EYA2: variants seen among roughly 807,000 people sequenced by gnomAD.
EYA2 encodes the protein EYA transcriptional coactivator and phosphatase 2.
Under a neutral mutation model 69.2 loss-of-function variants are expected in EYA2, and 31 were observed. The ratio of observed to expected loss-of-function variants is 0.45; its 90% CI spans 0.34 to 0.60. The LOEUF (loss-of-function observed/expected upper bound fraction) is 0.60. Ranked by LOEUF, EYA2 falls within the 20% of genes least tolerant of loss-of-function variation. The pLI, the probability that EYA2 is intolerant of heterozygous loss-of-function variation, is 0.02. For synonymous variants in EYA2, 257 were observed against 279.4 expected, an observed-to-expected ratio of 0.92 and a Z score of 0.80; for missense variants, 622 against 701.2, an observed-to-expected ratio of 0.89 and a Z score of 1.28.
intron 1 of EYA2, 45 bp from the exon 2 acceptor site, chr20:46,989,956 T>C (rs779456535): frequency 2.1e-6 from 2 of 945,412 alleles, no homozygotes; most frequent in Admixed American, 3.4e-5. Flanking sequence ...TTAGCAAGCA[T>C]GCATAATTAA....
chr20:47,145,558 G>T (rs1001613898), intron 10 of EYA2, among the ~76,000 whole-genome samples: 9 of 152,266 alleles, frequency 5.9e-5, no homozygotes, highest in African/African-American at 2.2e-4. Context: ...TCTGGGTTGT[G>T]TGTTAAAAAG....
intron 5 of EYA2, among the ~76,000 whole-genome samples, chr20:47,046,631 G>A (rs188741632): frequency 1.3e-5 from 2 of 152,280 alleles, no homozygotes; most frequent in African/African-American, 4.8e-5. Flanking sequence ...TCCTAGCCAA[G>A]CGTGTATGGA....
At chr20:47,044,582 A>T (rs573042904) in intron 5 of EYA2, among the ~76,000 whole-genome samples, 52 of 152,182 alleles carry the variant, frequency 3.4e-4, no homozygotes, top group Non-Finnish European at 6.8e-4. Flanking sequence ...TCTCACTAAG[A>T]AGTTGGCGTT....
chr20:47,107,243 G>A (rs868619885), intron 9 of EYA2, among the ~76,000 whole-genome samples: 4 of 152,052 alleles, frequency 2.6e-5, no homozygotes, highest in East Asian at 3.9e-4. Context: ...AAATGCAAGT[G>A]GCCAGGCACA....
At chr20:47,040,602 ATAAC>A (rs1187219307) in intron 5 of EYA2, among the ~76,000 whole-genome samples, 2 of 152,230 alleles carry the variant, frequency 1.3e-5, no homozygotes, top group African/African-American at 4.8e-5. Context: ...CACAAGGAAA[ATAAC>A]AACCATACAG....
intron 1 of EYA2, among the ~76,000 whole-genome samples, chr20:46,918,173 T>A (rs1203345846): frequency 6.6e-6 from 1 of 151,528 alleles, no homozygotes; most frequent in East Asian, 2.0e-4. Context: ...TACAAAAAAT[T>A]AGCCGGGCGT....
chr20:46,899,842 T>G (rs1027802850), intron 1 of EYA2, among the ~76,000 whole-genome samples: 1 of 152,228 alleles, frequency 6.6e-6, no homozygotes, highest in Non-Finnish European at 1.5e-5. Flanking sequence ...TCATCGCCTT[T>G]GGATGATAGT....
intron 1 of EYA2, among the ~76,000 whole-genome samples, chr20:46,963,739 G>A (rs1979621261): frequency 6.6e-6 from 1 of 152,270 alleles, no homozygotes; most frequent in African/African-American, 2.4e-5. Context: ...GCCGGGGGTG[G>A]TGGTGAGGAC....
At chr20:47,123,326 C>G (rs1015175447) in intron 9 of EYA2, among the ~76,000 whole-genome samples, 1 of 152,112 alleles carries the variant, frequency 6.6e-6, no homozygotes, top group Non-Finnish European at 1.5e-5. Context: ...CTCCTTCTAG[C>G]TATTTGAAAC....
Position 46,924,039 on chromosome 20 carries a change from A to G in EYA2, c.-11+29052A>G, listed in dbSNP as rs144191134. On this transcript the variant is annotated intron_variant, in intron 1 of 15. Transcript: ENST00000327619. The stretch of plus-strand genomic sequence containing the variant: ...AGTCATCAGGCAAGCAGTGGCCTCT[A>G]GAAAGATCTATCTTTCATGGGGGAT... 1.4e-3 allele frequency among the ~76,000 whole-genome samples: 219 copies of G among 152,306 alleles called. 4 individuals carry two copies. The highest frequency in any genetic ancestry group is 9.8e-3 in the East Asian group (51 of 5,190).
At chr20:46,945,084 A>T (rs1978372431) in intron 1 of EYA2, among the ~76,000 whole-genome samples, 1 of 151,886 alleles carries the variant, frequency 6.6e-6, no homozygotes, top group South Asian at 2.1e-4. Context: ...AGCCTGAGTG[A>T]CAGTCTGGGT....
chr20:47,118,508 A>AGG (rs10633311), intron 9 of EYA2, among the ~76,000 whole-genome samples: 152,208 of 152,228 alleles, frequency 1, 76,094 homozygotes, highest in Middle Eastern at 1. Flanking sequence ...ACATTGTTTG[A>AGG]GGTGTTGGAT....
chr20:46,897,023 A>C (rs1473862243), intron 1 of EYA2, among the ~76,000 whole-genome samples: 1 of 149,724 alleles, frequency 6.7e-6, no homozygotes, highest in Admixed American at 6.7e-5. Flanking sequence ...TTTTTTAAAA[A>C]GTTTTCATCA....
chr20:47,102,491 T>C (rs752244596), intron 9 of EYA2, among the ~76,000 whole-genome samples: 17 of 152,334 alleles, frequency 1.1e-4, no homozygotes, highest in Non-Finnish European at 2.2e-4. Context: ...GCACTTTGCT[T>C]GTGGCCATCA....
chr20:46,916,320 G>A (rs944561075), intron 1 of EYA2, among the ~76,000 whole-genome samples: 1 of 152,108 alleles, frequency 6.6e-6, no homozygotes, highest in African/African-American at 2.4e-5. Flanking sequence ...CTCGAGAAAG[G>A]GTGTATGTGA....
At chr20:46,907,160 A>G (rs1984399579) in intron 1 of EYA2, among the ~76,000 whole-genome samples, 1 of 152,232 alleles carries the variant, frequency 6.6e-6, no homozygotes, top group African/African-American at 2.4e-5. Flanking sequence ...TTACCTGTGG[A>G]AGAAAAATTA....
At position 47,016,225 on chromosome 20, in the gene EYA2, G is replaced by A. The variant is rs1395350802; in HGVS notation, c.343G>A (p.Gly115Arg). ...CTTGAACCATTCCCCTGGCCAGAGT[G>A]GATTCCTCAGCTATGGCTCCAGCTT... ...DSLNHSPGQS[G>R]FLSYGSSFST... is the part of the protein sequence containing the mutation. Residue 115 changes from glycine to arginine, a missense_variant, in exon 5 of 16, where the codon GGA becomes AGA. Coordinates refer to ENST00000327619, the MANE Select transcript of EYA2 (RefSeq NM_005244.5). The A allele has an allele frequency of 9.9e-6, 16 of 1,614,068 alleles. No individual in the cohort carries two copies. Among genetic ancestry groups the A allele is most frequent in the Non-Finnish European group, 1.4e-5 (16 of 1,180,036 alleles).
In EYA2 at chr20:47,135,126, CAAAA is replaced by C. The variant is rs11484435; in HGVS notation, c.889-7913_889-7910del. 8.5e-5 allele frequency among the ~76,000 whole-genome samples: 5 copies of C among 58,496 alleles called. No individual in the cohort carries two copies. In the East Asian group the frequency reaches 2.1e-3, roughly 25 times the overall value. The allele number at this position is 58,496 out of a possible 152,430, so 38.4% of individuals were successfully genotyped here. The stretch of plus-strand genomic sequence containing the variant: ...TGGGCGACAGAGCGAGACTCCATAT[CAAAA>C]AAAAAAAAAAAAAAAAAAACAGACA... On this transcript the variant is annotated intron_variant, in intron 9 of 15. Transcript: ENST00000327619.
intron 5 of EYA2, among the ~76,000 whole-genome samples, chr20:47,067,457 T>C (rs773841457): frequency 7.9e-5 from 12 of 152,156 alleles, no homozygotes; most frequent in Non-Finnish European, 1.6e-4. Flanking sequence ...AATTGGATTG[T>C]TTATAACACA....
Sources: gnomAD v4.1 joint callset for allele counts (sites outside exome capture counted in the v4.1 genomes callset) on GRCh38, gnomAD v4.1.1 for gene constraint, MANE v1.5 for transcripts, NCBI Gene and HGNC (gene_info 2026-07-23, HGNC 2026-07-21) for gene names.